NTRK3: variants seen among roughly 807,000 people sequenced by gnomAD.
The protein encoded by NTRK3 is neurotrophic receptor tyrosine kinase 3.
NTRK3 carries 24 observed loss-of-function variants against 91.7 expected under a neutral mutation model. The observed-to-expected ratio is 0.26, with a 90% CI of 0.19 to 0.37. The LOEUF (loss-of-function observed/expected upper bound fraction) is 0.37, where lower values mean the gene tolerates loss of function less well. Among genes scored for constraint, NTRK3 ranks in the 10% least tolerant of loss-of-function variants. NTRK3 has a pLI of 1.00. For missense variants in NTRK3, 880 were observed against 1,068.9 expected (o/e 0.82, Z 2.46); for synonymous variants, 483 against 404.0 (o/e 1.20, Z -2.34).
chr15:87,932,721 G>A (rs1292356816), intron 16 of NTRK3, among the ~76,000 whole-genome samples: 1 of 152,142 alleles, frequency 6.6e-6, no homozygotes, highest in African/African-American at 2.4e-5. Flanking sequence ...ACAGGCTGTG[G>A]GGCTTCCAGA....
At chr15:88,221,857 T>C (rs942548256) in intron 3 of NTRK3, among the ~76,000 whole-genome samples, 1 of 152,144 alleles carries the variant, frequency 6.6e-6, no homozygotes, top group South Asian at 2.1e-4. Flanking sequence ...CCGATTAGGC[T>C]GCACAATAGA....
At chr15:88,022,457 G>A (rs568307880) in intron 14 of NTRK3, among the ~76,000 whole-genome samples, 3 of 152,328 alleles carry the variant, frequency 2.0e-5, no homozygotes, top group South Asian at 2.1e-4. Flanking sequence ...CTGGATGCCT[G>A]AATCCAGTTG....
intron 13 of NTRK3, among the ~76,000 whole-genome samples, chr15:88,065,538 G>T (rs939651366): frequency 6.6e-6 from 1 of 152,022 alleles, no homozygotes; most frequent in Non-Finnish European, 1.5e-5. Context: ...CCAGGACTGG[G>T]CAGATACCCC....
At chr15:88,076,048 TTA>T (rs2047516259) in intron 13 of NTRK3, among the ~76,000 whole-genome samples, 1 of 152,204 alleles carries the variant, frequency 6.6e-6, no homozygotes, top group East Asian at 1.9e-4. Flanking sequence ...AGAGCATGTA[TTA>T]GTCTGTTCTC....
chr15:87,976,004 A>T (rs942522337), intron 14 of NTRK3, among the ~76,000 whole-genome samples: 4 of 152,064 alleles, frequency 2.6e-5, no homozygotes, highest in African/African-American at 7.2e-5. Context: ...TGAGCTGTGG[A>T]TACTTTTCCT....
intron 3 of NTRK3, among the ~76,000 whole-genome samples, chr15:88,218,828 T>C (rs149793755): frequency 1.4e-3 from 219 of 152,348 alleles, no homozygotes; most frequent in East Asian, 4.8e-3. Flanking sequence ...GGTGGAGCTT[T>C]AGAGTGCTCA....
chr15:88,019,878 T>C (rs1443064183), intron 14 of NTRK3, among the ~76,000 whole-genome samples: 1 of 152,210 alleles, frequency 6.6e-6, no homozygotes, highest in Non-Finnish European at 1.5e-5. Flanking sequence ...TCTTGTACTT[T>C]CAGTCAAAAG....
At chr15:88,109,046 AAAC>A (rs541783610) in intron 13 of NTRK3, among the ~76,000 whole-genome samples, 1 of 152,208 alleles carries the variant, frequency 6.6e-6, no homozygotes, top group African/African-American at 2.4e-5. Flanking sequence ...GGCAATAACA[AAAC>A]AACAACAATG....
chr15:87,932,650 AG>A (rs1050376676), intron 16 of NTRK3, among the ~76,000 whole-genome samples: 9 of 152,164 alleles, frequency 5.9e-5, no homozygotes, highest in African/African-American at 2.2e-4. Flanking sequence ...TAAGGCACAA[AG>A]GGAGAAAGCT....
chr15:88,136,626 G>T lies in NTRK3; in HGVS notation c.623-17C>A, dbSNP rs1174951516. On this transcript the variant is annotated splice_polypyrimidine_tract_variant and intron_variant, in intron 7 of 18. Transcript: ENST00000394480. ...CAGGAAGGTCTGGGAGCCAGACAAA[G>T]TGGGTGAAAAGACAGGCAAACACTT... The T allele has an allele frequency of 3.7e-6, 6 of 1,610,450 alleles. No individual in the cohort carries two copies. The highest frequency in any genetic ancestry group is 4.5e-5 in the East Asian group (2 of 44,834).
intron 17 of NTRK3, among the ~76,000 whole-genome samples, chr15:87,886,108 AACAACAGAAAC>A (rs1482573396): frequency 1.3e-5 from 2 of 152,134 alleles, no homozygotes; most frequent in East Asian, 3.9e-4. Flanking sequence ...TGCCAATTAA[AACAACAGAAAC>A]ACATTTCTGA....
chr15:88,051,622 G>A (rs1266808332), intron 13 of NTRK3, among the ~76,000 whole-genome samples: 2 of 152,154 alleles, frequency 1.3e-5, no homozygotes, highest in East Asian at 1.9e-4. Context: ...GTTAATAACA[G>A]TAACTCCCTC....
At chr15:87,900,047 A>G (rs1343009515) in intron 17 of NTRK3, among the ~76,000 whole-genome samples, 2 of 152,248 alleles carry the variant, frequency 1.3e-5, no homozygotes, top group African/African-American at 4.8e-5. Context: ...GAGAGAGCTC[A>G]TAGATCACTT....
At chr15:88,251,054 T>C (rs2053297405) in intron 3 of NTRK3, among the ~76,000 whole-genome samples, 1 of 152,148 alleles carries the variant, frequency 6.6e-6, no homozygotes, top group African/African-American at 2.4e-5. Context: ...CAGGCCCTAA[T>C]GAGAGGCTGC....
At position 87,937,446 on chromosome 15, in the gene NTRK3, C is replaced by T. The variant is rs577622392; in HGVS notation, c.1716+3177G>A. 3.1e-4 allele frequency among the ~76,000 whole-genome samples: 47 copies of T among 152,084 alleles called. No individual in the cohort carries two copies. In the East Asian group the frequency reaches 6.9e-3, roughly 22 times the overall value. On this transcript the variant is annotated intron_variant, in intron 15 of 18. Coordinates refer to ENST00000394480, the Ensembl canonical transcript of NTRK3. ...AAACATTGGGAAAATAGTAAAAATC[C>T]GAGATTCTGCACTCAGATTGTTTCA...
At chr15:88,256,094 G>C (rs771001903) in exon 3 of NTRK3, 1 of 1,612,310 alleles carries the variant, frequency 6.2e-7, no homozygotes, top group Non-Finnish European at 8.5e-7. Flanking sequence ...CCAGCCAGAC[G>C]CTTCCCAGCA....
chr15:87,957,613 A>G (rs1237591595), intron 14 of NTRK3, among the ~76,000 whole-genome samples: 4 of 144,168 alleles, frequency 2.8e-5, no homozygotes. Flanking sequence ...TGGCTACACT[A>G]TAATTACGTT....
At chr15:87,922,686 G>A (rs1420394273) in intron 17 of NTRK3, among the ~76,000 whole-genome samples, 3 of 152,198 alleles carry the variant, frequency 2.0e-5, no homozygotes, top group East Asian at 1.9e-4. Flanking sequence ...AGTCAAGGAT[G>A]TAACCCTTCT....
At chr15:88,138,063 A>G (rs752207673) in intron 6 of NTRK3, among the ~76,000 whole-genome samples, 1 of 151,774 alleles carries the variant, frequency 6.6e-6, no homozygotes, top group Non-Finnish European at 1.5e-5. Flanking sequence ...AATAAAAAAT[A>G]AAGAAATCCA....
Sources: gnomAD v4.1 joint callset for allele counts (sites outside exome capture counted in the v4.1 genomes callset) on GRCh38, gnomAD v4.1.1 for gene constraint, MANE v1.5 for transcripts, NCBI Gene and HGNC (gene_info 2026-07-23, HGNC 2026-07-21) for gene names.